CACNA1I: variants seen among roughly 807,000 people sequenced by gnomAD.
CACNA1I encodes voltage-dependent T-type calcium channel subunit alpha-1I.
CACNA1I carries 74 observed loss-of-function variants against 201.6 expected under a neutral mutation model. The observed-to-expected ratio is 0.37, with a 90% CI of 0.30 to 0.45. The LOEUF (loss-of-function observed/expected upper bound fraction) is 0.45, where lower values mean the gene tolerates loss of function less well. Among genes scored for constraint, CACNA1I ranks in the 20% least tolerant of loss-of-function variants. The pLI is 1.00. For synonymous variants in CACNA1I, 1,431 were observed against 1,345.2 expected (o/e 1.06, Z -1.40); for missense variants, 2,346 against 3,138.1 (o/e 0.75, Z 6.03).
chr22:39,662,663 G>A (rs1191231743), intron 17 of CACNA1I, 113 bp from the exon 18 acceptor site: 19 of 796,396 alleles, frequency 2.4e-5, no homozygotes, highest in African/African-American at 1.7e-5. Flanking sequence ...GCCCCCGGGG[G>A]GCAGAGAGTT....
At chr22:39,595,808 C>T (rs760034246) in intron 1 of CACNA1I, among the ~76,000 whole-genome samples, 4 of 151,820 alleles carry the variant, frequency 2.6e-5, no homozygotes, top group South Asian at 2.1e-4. Context: ...TTTATTCATC[C>T]GACAGATGTT....
rs1007277742 is a variant in CACNA1I at position 39,689,179 on chromosome 22, T to A, written c.*2774T>A. ...TGGGGACCCAGGTCCCTGAGCTGTC[T>A]GCTGGGCTCCGTAGAGCGGTGGTGG... On this transcript the variant is annotated 3_prime_UTR_variant, in exon 37 of 37. Coordinates refer to ENST00000402142, the MANE Select transcript of CACNA1I (RefSeq NM_021096.4). 1.3e-5 allele frequency: 2 copies of A among 153,066 alleles called. No homozygotes were observed. Among genetic ancestry groups the A allele is most frequent in the Non-Finnish European group, 2.9e-5 (2 of 68,384 alleles). The allele number at this position is 153,066 out of a possible 1,614,324, so 9.5% of individuals were successfully genotyped here.
At chr22:39,573,821 G>A (rs1163974011) in intron 1 of CACNA1I, among the ~76,000 whole-genome samples, 2 of 152,212 alleles carry the variant, frequency 1.3e-5, no homozygotes, top group African/African-American at 2.4e-5. Flanking sequence ...TGGCCCAGGA[G>A]GGAGAGGAGT....
rs1373367909 is a variant in CACNA1I at position 39,633,472 on chromosome 22, GAGA to G, written c.581-1090_581-1088del. ...TGCTGAGATTGCCCAGAGCAGAAGAGAGAAGGATGAACTCTACCTGGGATGATG... is the reference window on the plus strand; with the variant it reads ...TGCTGAGATTGCCCAGAGCAGAAGAGAGGATGAACTCTACCTGGGATGATG... On this transcript the variant is annotated intron_variant, in intron 4 of 36. Coordinates refer to ENST00000402142, the MANE Select transcript of CACNA1I (RefSeq NM_021096.4). 2.6e-5 allele frequency among the ~76,000 whole-genome samples: 4 copies of G among 152,258 alleles called. No individual in the cohort carries two copies. The East Asian group carries it at 5.8e-4, about 22-fold the overall frequency.
rs751896651 is a variant in CACNA1I, at chr22:39,661,088, T to C, written c.2699-20T>C. ...TGTCTGCCATCTGTCCCTCCCTCTGTCTCCATCTCACTCCTCCAGATCCCA... is the reference window on the plus strand; with the variant it reads ...TGTCTGCCATCTGTCCCTCCCTCTGCCTCCATCTCACTCCTCCAGATCCCA... On this transcript the variant is annotated intron_variant, in intron 15 of 36. Coordinates refer to ENST00000402142, the MANE Select transcript of CACNA1I (RefSeq NM_021096.4). The C allele has an allele frequency of 1.2e-6, 2 of 1,600,326 alleles. No individual in the cohort carries two copies. Among genetic ancestry groups the C allele is most frequent in the Non-Finnish European group, 1.7e-6 (2 of 1,168,778 alleles).
chr22:39,679,957 G>C, intron 33 of CACNA1I, 89 bp downstream of exon 33: 1 of 1,349,268 alleles, frequency 7.4e-7, no homozygotes, highest in Non-Finnish European at 1.0e-6. Context: ...GCCTGGCTCT[G>C]GGCTGTAGAG....
rs1365930503 is a variant in CACNA1I at position 39,649,223 on chromosome 22, C to A, written c.1568-278C>A. Among the ~76,000 whole-genome samples, 1 of 152,222 alleles carries A rather than the reference C, an allele frequency of 6.6e-6. No individual in the cohort carries two copies. The highest frequency in any genetic ancestry group is 2.4e-5 in the African/African-American group (1 of 41,456). ...GATGGCCGGTCAGCACGGATGCGCGCCCTGCACCGTGCTGGGCCCATCATG... is the reference window on the plus strand; with the variant it reads ...GATGGCCGGTCAGCACGGATGCGCGACCTGCACCGTGCTGGGCCCATCATG... On this transcript the variant is annotated intron_variant, in intron 9 of 36. Transcript: ENST00000402142. This position sits in a 1 kb window ranked among gnomAD's most constrained non-coding sequence, Gnocchi z 7.3.
At chr22:39,670,524 C>T (rs989333420) in intron 25 of CACNA1I, among the ~76,000 whole-genome samples, 2 of 152,178 alleles carry the variant, frequency 1.3e-5, no homozygotes, top group African/African-American at 4.8e-5. Flanking sequence ...GGAAACCTGC[C>T]CTCCCAGCAG....
chr22:39,684,400 G>A lies in CACNA1I; in HGVS notation c.5929G>A (p.Glu1977Lys). ...PAVSASQKGPEKGTGTGTLPK... is the reference protein window; with the variant it reads ...PAVSASQKGPKKGTGTGTLPK... ...AGTGTCTGCCAGCCAGAAAGGCCCA[G>A]AAAAGGGCACTGGCACTGGAACCCT... is the stretch of plus-strand genomic sequence containing the variant. Residue 1977 changes from glutamate (E) to lysine (K), a missense_variant, in exon 36 of 37, where the codon GAA becomes AAA. Coordinates refer to ENST00000402142, the MANE Select transcript of CACNA1I (RefSeq NM_021096.4). The surrounding 1 kb of genome is among the most constrained non-coding windows in gnomAD (Gnocchi z 4.6). The A allele has an allele frequency of 6.2e-7, 1 of 1,613,684 alleles. No individual in the cohort carries two copies. Among genetic ancestry groups the A allele is most frequent in the Non-Finnish European group, 8.5e-7 (1 of 1,179,876 alleles).
At chr22:39,606,224 C>T (rs1024364720) in intron 3 of CACNA1I, among the ~76,000 whole-genome samples, 3 of 152,092 alleles carry the variant, frequency 2.0e-5, no homozygotes, top group African/African-American at 7.2e-5. Context: ...TGTGGGATTG[C>T]GGTGGCCTGG....
chr22:39,601,581 G>GGT (rs776212916), intron 3 of CACNA1I, among the ~76,000 whole-genome samples: 38 of 152,086 alleles, frequency 2.5e-4, no homozygotes, highest in Non-Finnish European at 5.0e-4. Context: ...TGTGAGAGAG[G>GGT]GTGTGTGAGT....
chr22:39,596,979 T>G (rs1211591022), intron 1 of CACNA1I, among the ~76,000 whole-genome samples: 1 of 152,170 alleles, frequency 6.6e-6, no homozygotes, highest in African/African-American at 2.4e-5. Context: ...TCCATCAGCA[T>G]CTCTCCTCTT....
At chr22:39,575,417 T>TGTG (rs1932312159) in intron 1 of CACNA1I, among the ~76,000 whole-genome samples, 1 of 152,168 alleles carries the variant, frequency 6.6e-6, no homozygotes, top group Admixed American at 6.5e-5. Context: ...CCACCATATG[T>TGTG]GTGGTTATCA....
chr22:39,673,876 C>T, intron 28 of CACNA1I, 87 bp from the exon 29 acceptor site: 1 of 1,310,184 alleles, frequency 7.6e-7, no homozygotes, highest in Non-Finnish European at 1.1e-6. Context: ...TTCTCTTCTC[C>T]CAAGTTTACA....
At chr22:39,650,151 C>T (rs556761425) in intron 10 of CACNA1I, among the ~76,000 whole-genome samples, 4 of 152,072 alleles carry the variant, frequency 2.6e-5, no homozygotes, top group African/African-American at 4.8e-5. Context: ...GATGAGTGAA[C>T]GAGTGAAGCT....
chr22:39,589,807 C>T (rs771825421), intron 1 of CACNA1I, among the ~76,000 whole-genome samples: 1 of 152,182 alleles, frequency 6.6e-6, no homozygotes, highest in Admixed American at 6.5e-5. Flanking sequence ...GGTGCTGGTC[C>T]ACCTTCCCTA....
intron 4 of CACNA1I, among the ~76,000 whole-genome samples, chr22:39,621,999 G>C (rs1159683578): frequency 6.6e-6 from 1 of 152,166 alleles, no homozygotes; most frequent in African/African-American, 2.4e-5. Context: ...GTCGTGGCTA[G>C]TCCAGGGTCA....
intron 34 of CACNA1I, 76 bp downstream of exon 34, chr22:39,681,128 C>T: frequency 6.7e-7 from 1 of 1,485,480 alleles, no homozygotes; most frequent in Non-Finnish European, 9.0e-7. Context: ...GGCAGGACCC[C>T]CCTGTCTTTC....
chr22:39,602,911 G>A (rs989408546), intron 3 of CACNA1I, among the ~76,000 whole-genome samples: 24 of 152,050 alleles, frequency 1.6e-4, no homozygotes, highest in African/African-American at 5.8e-4. Context: ...CAGCATTGTG[G>A]GAGGCCGAGG....
Sources: allele counts gnomAD v4.1 joint callset (sites outside exome capture counted in the v4.1 genomes callset), GRCh38; gene constraint gnomAD v4.1.1; non-coding constraint Gnocchi (gnomAD v3.1); transcripts MANE v1.5; gene names NCBI Gene and HGNC (gene_info 2026-07-23, HGNC 2026-07-21).